RHOQ: variants seen among roughly 807,000 people sequenced by gnomAD.
RHOQ encodes ras homolog family member Q, also known as rho-related GTP-binding protein RhoQ.
A neutral mutation model predicts 25.8 loss-of-function variants in RHOQ; 7 were observed. The ratio of observed to expected loss-of-function variants is 0.27; its 90% CI spans 0.15 to 0.51. The LOEUF is 0.51. Among genes scored for constraint, RHOQ ranks in the 20% least tolerant of loss-of-function variants. The pLI is 0.97. For synonymous variants in RHOQ, 97 were observed against 98.6 expected (o/e 0.98, Z 0.10); for missense variants, 165 against 260.6 (o/e 0.63, Z 2.53).
In RHOQ at chr2:46,543,072, T is replaced by A. The variant is rs951367572; in HGVS notation, c.26T>A (p.Met9Lys). ...ATGGCTCACGGGCCCGGCGCGCTGA[T>A]GCTCAAGTGCGTGGTGGTCGGCGAC... MAHGPGALMLKCVVVGDGA... is the reference protein window; with the variant it reads MAHGPGALKLKCVVVGDGA... The change falls in exon 1 of 5, where the codon ATG becomes AAG. Residue 9 changes from methionine (M) to lysine (K), a missense_variant. By Grantham distance (95) the Met-to-Lys change is moderately conservative (BLOSUM62 -1). Transcript: ENST00000238738. The A allele has an allele frequency of 2.1e-5, 34 of 1,604,750 alleles. No individual in the cohort carries two copies. Among genetic ancestry groups the A allele is most frequent in the Non-Finnish European group, 2.9e-5 (34 of 1,176,598 alleles).
chr2:46,550,617 G>A (rs1012415343), intron 2 of RHOQ, among the ~76,000 whole-genome samples: 2 of 152,094 alleles, frequency 1.3e-5, no homozygotes, highest in African/African-American at 2.4e-5. Context: ...GATGAACTTC[G>A]AATCCTAGTT....
chr2:46,570,881 G>A (rs1156275522), intron 2 of RHOQ, among the ~76,000 whole-genome samples: 1 of 152,184 alleles, frequency 6.6e-6, no homozygotes, highest in Non-Finnish European at 1.5e-5. Flanking sequence ...TTGTTACAGA[G>A]GAAAACTCTA....
At chr2:46,575,907 G>A (rs1487710386) in intron 2 of RHOQ, among the ~76,000 whole-genome samples, 180 bp from the exon 3 acceptor site, 2 of 152,054 alleles carry the variant, frequency 1.3e-5, no homozygotes, top group African/African-American at 4.8e-5. Flanking sequence ...CCTCATGGGT[G>A]TTCAGAACTT....
At chr2:46,544,009 C>A (rs986426501) in intron 2 of RHOQ, among the ~76,000 whole-genome samples, 197 bp downstream of exon 2, 2 of 152,146 alleles carry the variant, frequency 1.3e-5, no homozygotes, top group Non-Finnish European at 2.9e-5. Context: ...GATAAGCCCC[C>A]CCCATGTGAA....
chr2:46,551,678 G>A (rs1668246187), intron 2 of RHOQ, among the ~76,000 whole-genome samples: 1 of 152,162 alleles, frequency 6.6e-6, no homozygotes, highest in Admixed American at 6.5e-5. Flanking sequence ...CTTTATTGCT[G>A]TCTCTGTTCC....
intron 2 of RHOQ, among the ~76,000 whole-genome samples, chr2:46,554,151 A>G (rs1668338503): frequency 6.7e-6 from 1 of 149,886 alleles, no homozygotes; most frequent in Non-Finnish European, 1.5e-5. Flanking sequence ...AAATTTTTAA[A>G]CCCCCAGCCC....
At chr2:46,560,748 G>A (rs989510325) in intron 2 of RHOQ, 15 of 406,338 alleles carry the variant, frequency 3.7e-5, no homozygotes, top group African/African-American at 2.7e-4. Context: ...TTTGCGTAGA[G>A]TCTGTATAGA....
rs190671413 is a variant in RHOQ at position 46,582,051 on chromosome 2, T to C, written c.*968T>C. On this transcript the variant is annotated 3_prime_UTR_variant, in exon 5 of 5. Transcript: ENST00000238738. ...AGGAAAGACCTAGAATCCAAGCGTG[T>C]TACATGAAAATTGTAACAGAGCAGC... 1 of 155,400 alleles carries C rather than the reference T, an allele frequency of 6.4e-6. No homozygotes were observed. Among genetic ancestry groups the C allele is most frequent in the Non-Finnish European group, 1.4e-5 (1 of 70,216 alleles). 9.6% of individuals were successfully genotyped at this position (155,400 alleles called of 1,614,324 possible).
Position 46,576,621 on chromosome 2 carries a change from A to G in RHOQ, c.427A>G (p.Ile143Val), listed in dbSNP as rs143446856. ...ARLNDMKEKP[I>V]CVEQGQKLAK... is the part of the protein sequence containing the mutation. ...ACTGAATGATATGAAAGAAAAACCT[A>G]TATGTGTGGAACAAGGACAGAAACT... is the stretch of plus-strand genomic sequence containing the variant. The change falls in exon 4 of 5, where the codon ATA becomes GTA. Residue 143 changes from isoleucine (I) to valine (V), a missense_variant. Coordinates refer to ENST00000238738, the MANE Select transcript of RHOQ (RefSeq NM_012249.4). The surrounding 1 kb of genome is among the most constrained non-coding windows in gnomAD (Gnocchi z 5.1). 83 of 1,609,710 alleles carry G rather than the reference A, an allele frequency of 5.2e-5. No homozygotes were observed. In the African/African-American group the frequency reaches 6.7e-4, roughly 13 times the overall value.
chr2:46,564,016 A>G (rs1004140496), intron 2 of RHOQ, among the ~76,000 whole-genome samples: 2 of 152,094 alleles, frequency 1.3e-5, no homozygotes, highest in Admixed American at 6.5e-5. Context: ...TTTTAAGTAT[A>G]TAATCAGGCT....
chr2:46,548,021 A>G lies in RHOQ; in HGVS notation c.201+4209A>G, dbSNP rs749853575. 6.6e-6 allele frequency among the ~76,000 whole-genome samples: 1 copy of G among 152,210 alleles called. No homozygotes were observed. Among genetic ancestry groups the G allele is most frequent in the Admixed American group, 6.5e-5 (1 of 15,298 alleles). On this transcript the variant is annotated intron_variant, in intron 2 of 4. Coordinates refer to ENST00000238738, the MANE Select transcript of RHOQ (RefSeq NM_012249.4). This position sits in a 1 kb window ranked among gnomAD's most constrained non-coding sequence, Gnocchi z 5.2. ...TCCCAGAATATCCACACTCAGGAGG[A>G]TGTGTGTTGGGGGTGAATTTGGGAT...
rs1469739618 is a variant in RHOQ, at chr2:46,542,557, G to T, written c.-490G>T. 6.8e-6 allele frequency: 1 copy of T among 147,970 alleles called. No individual in the cohort carries two copies. Among genetic ancestry groups the T allele is most frequent in the Non-Finnish European group, 1.5e-5 (1 of 66,748 alleles). 9.2% of individuals were successfully genotyped at this position (147,970 alleles called of 1,614,324 possible). ...GGCTCGGGTGCGCCGGCAGGGCCGCGCGGCGGCAGCAGGCGGGGGCGCGTG... is the reference window on the plus strand; with the variant it reads ...GGCTCGGGTGCGCCGGCAGGGCCGCTCGGCGGCAGCAGGCGGGGGCGCGTG... On this transcript the variant is annotated 5_prime_UTR_variant, in exon 1 of 5. Coordinates refer to ENST00000238738, the MANE Select transcript of RHOQ (RefSeq NM_012249.4).
At position 46,576,389 on chromosome 2, in the gene RHOQ, T is replaced by C; in HGVS notation, c.366+138T>C. The C allele has an allele frequency of 1.0e-6, 1 of 959,380 alleles. No individual in the cohort carries two copies. Among genetic ancestry groups the C allele is most frequent in the South Asian group, 1.7e-5 (1 of 57,298 alleles). The allele number at this position is 959,380 out of a possible 1,614,324, so 59.4% of individuals were successfully genotyped here. A position where few individuals can be genotyped will look rare whatever the true frequency, so the allele number is the denominator to read the frequency against. ...AGCTGCAAGTTAATGAGTTCTATCA[T>C]ATTTTTGGAAAAAATTGTGCCAAAA... On this transcript the variant is annotated intron_variant, in intron 3 of 4. Transcript: ENST00000238738. This position sits in a 1 kb window ranked among gnomAD's most constrained non-coding sequence, Gnocchi z 5.1.
intron 2 of RHOQ, among the ~76,000 whole-genome samples, chr2:46,551,078 C>T (rs557458806): frequency 6.6e-6 from 1 of 152,348 alleles, no homozygotes; most frequent in South Asian, 2.1e-4. Flanking sequence ...CAGGGCCCAA[C>T]TTCAGCTCTG....
At chr2:46,564,628 C>T (rs1416060876) in intron 2 of RHOQ, among the ~76,000 whole-genome samples, 4 of 152,192 alleles carry the variant, frequency 2.6e-5, no homozygotes, top group African/African-American at 9.7e-5. Flanking sequence ...CTCTGGCTGC[C>T]TCATCTGGAC....
At chr2:46,572,002 G>A (rs1668931963) in intron 2 of RHOQ, among the ~76,000 whole-genome samples, 1 of 151,832 alleles carries the variant, frequency 6.6e-6, no homozygotes, top group Admixed American at 6.6e-5. Context: ...CCAGCTGATG[G>A]CCATTGGCTA....
intron 1 of RHOQ, 90 bp downstream of exon 1, chr2:46,543,278 AGCGCACTCCTCTCCCCTCCCCCGCC>A (rs955175500): frequency 1.1e-4 from 157 of 1,451,546 alleles, no homozygotes; most frequent in Non-Finnish European, 1.5e-4. Flanking sequence ...GCCTCCCCAG[AGCGCACTCCTCTCCCCTCCCCCGCC>A]GCGCCCTCTG....
chr2:46,550,152 G>C lies in RHOQ; in HGVS notation c.201+6340G>C, dbSNP rs185353643. 5.9e-5 allele frequency among the ~76,000 whole-genome samples: 9 copies of C among 151,878 alleles called. No individual in the cohort carries two copies. The East Asian group carries it at 9.7e-4, about 16-fold the overall frequency. On this transcript the variant is annotated intron_variant, in intron 2 of 4. Transcript: ENST00000238738. ...GGAGGCTGAGGTGGGAGGATCACTT[G>C]AGTGCAGGAATTCAAAGCTGCAGTG...
chr2:46,566,745 C>T lies in RHOQ; in HGVS notation c.202-9342C>T, dbSNP rs1436983652. On this transcript the variant is annotated intron_variant, in intron 2 of 4. Transcript: ENST00000238738. This position sits in a 1 kb window ranked among gnomAD's most constrained non-coding sequence, Gnocchi z 4.2. ...CCTTTCCCTGTGGTCTTCAGTATGT[C>T]AGGGCTTTTCTGCCTTGGGACGTTT... Among the ~76,000 whole-genome samples the T allele has an allele frequency of 6.6e-6, 1 of 152,166 alleles. No homozygotes were observed. The highest frequency in any genetic ancestry group is 1.5e-5 in the Non-Finnish European group (1 of 68,028).
Sources: gnomAD v4.1 joint callset for allele counts (sites outside exome capture counted in the v4.1 genomes callset) on GRCh38, gnomAD v4.1.1 for gene constraint, Gnocchi (gnomAD v3.1) non-coding constraint, MANE v1.5 for transcripts, NCBI Gene and HGNC (gene_info 2026-07-23, HGNC 2026-07-21) for gene names.